Variants in SPG11 observed in about 807,000 individuals in gnomAD.
The protein encoded by SPG11 is SPG11 vesicle trafficking associated, spatacsin, also known as spatacsin.
Under a neutral mutation model 274.0 loss-of-function variants are expected in SPG11, and 222 were observed. The observed-to-expected ratio is 0.81, with a 90% CI of 0.73 to 0.91. The LOEUF (loss-of-function observed/expected upper bound fraction) is 0.91. SPG11 is among the 40% of genes least tolerant of loss of function. SPG11 has a pLI of 0.00. For synonymous variants in SPG11, 1,144 were observed against 1,039.7 expected (o/e 1.10, Z -1.93); for missense variants, 3,114 against 2,872.7 (o/e 1.08, Z -1.92).
intron 32 of SPG11, among the ~76,000 whole-genome samples, chr15:44,573,051 A>G (rs2082457067): frequency 8.0e-6 from 1 of 125,580 alleles, no homozygotes; most frequent in African/African-American, 3.2e-5. Flanking sequence ...CAGTGGGGTG[A>G]TCTTGGCTCA....
rs568373615 is a variant in SPG11, at chr15:44,641,465, G to A, written c.1602+7401C>T. ...ATACATCCACCACACAAACAACAAA[G>A]AATTGGTATCTAGAGAATATCCAAC... On this transcript the variant is annotated intron_variant, in intron 7 of 39. Coordinates refer to ENST00000261866, the MANE Select transcript of SPG11 (RefSeq NM_025137.4). 1.9e-3 allele frequency among the ~76,000 whole-genome samples: 294 copies of A among 151,574 alleles called. 2 individuals carry two copies. Among genetic ancestry groups the A allele is most frequent in the Non-Finnish European group, 1.6e-3 (110 of 67,874 alleles).
chr15:44,633,473 A>C, intron 8 of SPG11, 32 bp downstream of exon 8: 1 of 1,539,354 alleles, frequency 6.5e-7, no homozygotes, highest in Admixed American at 1.8e-5. Flanking sequence ...TCAAATGATA[A>C]ATACAAATGT....
At chr15:44,619,274 T>C (rs1377754061) in intron 15 of SPG11, among the ~76,000 whole-genome samples, 1 of 152,166 alleles carries the variant, frequency 6.6e-6, no homozygotes, top group Non-Finnish European at 1.5e-5. Context: ...TAAAAATATG[T>C]TTAAGAAACT....
intron 15 of SPG11, among the ~76,000 whole-genome samples, chr15:44,619,102 A>G (rs2083670043): frequency 6.6e-6 from 1 of 152,204 alleles, no homozygotes; most frequent in African/African-American, 2.4e-5. Flanking sequence ...TGCAATGGAG[A>G]GAAGAATGAA....
At chr15:44,638,856 C>T (rs2084358184) in intron 7 of SPG11, among the ~76,000 whole-genome samples, 2 of 151,914 alleles carry the variant, frequency 1.3e-5, no homozygotes, top group Non-Finnish European at 2.9e-5. Context: ...ATCAGTTGGG[C>T]GTGGGGGTGC....
intron 20 of SPG11, chr15:44,604,122 G>C: frequency 6.8e-6 from 3 of 441,816 alleles, no homozygotes; most frequent in Non-Finnish European, 1.4e-5. Flanking sequence ...TGTTTTCAAA[G>C]TTCAAAGCTT....
chr15:44,595,906 C>T (rs1305013296), intron 25 of SPG11, among the ~76,000 whole-genome samples, 177 bp downstream of exon 25: 1 of 152,232 alleles, frequency 6.6e-6, no homozygotes, highest in Admixed American at 6.5e-5. Context: ...CAAGAAAGTA[C>T]ACCAAATGGC....
intron 18 of SPG11, among the ~76,000 whole-genome samples, chr15:44,609,200 C>T (rs1005566383): frequency 1.3e-5 from 2 of 151,758 alleles, no homozygotes; most frequent in Non-Finnish European, 2.9e-5. Context: ...GGCGCGATCT[C>T]GGCTCACTGC....
chr15:44,659,355 T>C, intron 2 of SPG11, 52 bp from the exon 3 acceptor site: 1 of 1,456,024 alleles, frequency 6.9e-7, no homozygotes, highest in Non-Finnish European at 9.6e-7. Flanking sequence ...ATTTTACAAC[T>C]GGTACATTTG....
At chr15:44,566,465 T>C (rs952007309) in intron 36 of SPG11, among the ~76,000 whole-genome samples, 160 bp from the exon 37 acceptor site, 1 of 152,198 alleles carries the variant, frequency 6.6e-6, no homozygotes, top group South Asian at 2.1e-4. Flanking sequence ...CAGAAATGCA[T>C]ACGCTTATTG....
chr15:44,584,670 C>T, intron 29 of SPG11, 112 bp from the exon 30 acceptor site: 1 of 1,325,350 alleles, frequency 7.5e-7, no homozygotes, highest in South Asian at 1.2e-5. Context: ...AGTCTGTCAC[C>T]CAGGCTGGAG....
intron 17 of SPG11, 140 bp downstream of exon 17, chr15:44,613,290 C>T: frequency 1.5e-6 from 1 of 673,182 alleles, no homozygotes. Flanking sequence ...CTTCTTACCT[C>T]AAGTGTGAGC....
rs746774397 is a variant in SPG11 at position 44,615,484 on chromosome 15, C to G, written c.2917G>C (p.Asp973His). 48 of 1,613,976 alleles carry G rather than the reference C, an allele frequency of 3.0e-5. No homozygotes were observed. The South Asian group carries it at 4.9e-4, about 17-fold the overall frequency. ...RLSRIGGVIQ[D>H]TLPVQNYKTK... is the part of the protein sequence containing the mutation. ...TTGTAGTTTTGAACAGGGAGGGTAT[C>G]CTGTATTACACCTCCAATACGGCTC... The change falls in exon 16 of 40, where the codon GAT (aspartate) becomes CAT (histidine). Residue 973 changes from aspartate to histidine, a missense_variant. Transcript: ENST00000261866.
chr15:44,586,457 T>A (rs1487500311), intron 28 of SPG11, among the ~76,000 whole-genome samples: 1 of 151,412 alleles, frequency 6.6e-6, no homozygotes, highest in Non-Finnish European at 1.5e-5. Context: ...GCCTGGCCAA[T>A]ATGGTGAAAC....
rs1256320197 is a variant in SPG11, at chr15:44,604,724, C to T, written c.3520+1301G>A. ...TGGGTGGATCACGAGGTCAGGAGAT[C>T]GAGACCATCCTGGCTAACACGGTGA... is the stretch of plus-strand genomic sequence containing the variant. On this transcript the variant is annotated intron_variant, in intron 20 of 39. Coordinates refer to ENST00000261866, the MANE Select transcript of SPG11 (RefSeq NM_025137.4). Among the ~76,000 whole-genome samples, 150 of 151,736 alleles carry T rather than the reference C, an allele frequency of 9.9e-4. 1 individual carries two copies. The highest frequency in any genetic ancestry group is 1.3e-4 in the Non-Finnish European group (9 of 67,930).
At chr15:44,596,503 G>A (rs1595860784) in intron 24 of SPG11, 148 bp from the exon 25 acceptor site, 1 of 1,013,766 alleles carries the variant, frequency 9.9e-7, no homozygotes. Flanking sequence ...AAAGCTGTAT[G>A]GTGCCTTTTA....
rs764422997 is a variant in SPG11, at chr15:44,663,442, G to A, written c.206C>T (p.Thr69Met). Reference sequence around the variant, plus strand: ...GCGACCCCCGCCCCGGCTGCCAGGCGTCAAAGAAAGCACTTGGAGGCTGCC... The same window carrying A: ...GCGACCCCCGCCCCGGCTGCCAGGCATCAAAGAAAGCACTTGGAGGCTGCC... ...AAGSLQVLSL[T>M]PGSRGGGRCC... The change falls in exon 1 of 40, where the codon ACG becomes ATG. Residue 69 changes from threonine to methionine, a missense_variant. Physicochemically the swap from Thr to Met is moderately conservative, Grantham distance 81. Coordinates refer to ENST00000261866, the MANE Select transcript of SPG11 (RefSeq NM_025137.4). 27 of 1,602,710 alleles carry A rather than the reference G, an allele frequency of 1.7e-5. No individual in the cohort carries two copies. In the African/African-American group the frequency reaches 2.0e-4, roughly 12 times the overall value.
chr15:44,620,696 A>G (rs1043481080), intron 14 of SPG11: 2 of 272,990 alleles, frequency 7.3e-6, no homozygotes, highest in Admixed American at 4.9e-5. Context: ...CATCATGACC[A>G]GGTAAATTTT....
At chr15:44,641,533 A>T (rs930371132) in intron 7 of SPG11, among the ~76,000 whole-genome samples, 1 of 151,722 alleles carries the variant, frequency 6.6e-6, no homozygotes, top group Non-Finnish European at 1.5e-5. Flanking sequence ...GAAAAGAAAA[A>T]TAGGCAAAAA....
Sources: gnomAD v4.1 joint callset for allele counts (sites outside exome capture counted in the v4.1 genomes callset) on GRCh38, gnomAD v4.1.1 for gene constraint, MANE v1.5 for transcripts, NCBI Gene and HGNC (gene_info 2026-07-23, HGNC 2026-07-21) for gene names.